ESR1: variants seen among roughly 807,000 people sequenced by gnomAD.
ESR1 encodes the protein estrogen receptor.
In ESR1, 12 loss-of-function variants were observed where a neutral mutation model predicts 52.7. That is an observed-to-expected ratio of 0.23 (90% CI 0.15 to 0.37). The LOEUF (loss-of-function observed/expected upper bound fraction) is 0.37, where lower values mean the gene tolerates loss of function less well. Ranked by LOEUF, ESR1 falls within the 10% of genes least tolerant of loss-of-function variation. The pLI is 1.00. For synonymous variants in ESR1, 305 were observed against 316.8 expected, an observed-to-expected ratio of 0.96 and a Z score of 0.39; for missense variants, 584 against 779.7, an observed-to-expected ratio of 0.75 and a Z score of 2.99.
At chr6:152,119,094 C>T (rs1051527678) in intron 6 of ESR1, among the ~76,000 whole-genome samples, 2 of 152,208 alleles carry the variant, frequency 1.3e-5, no homozygotes, top group Non-Finnish European at 2.9e-5. Flanking sequence ...CTTTTCTGGA[C>T]ACGATTAGCT....
rs1562319426 is a variant in ESR1 at position 151,669,151 on chromosome 6, A to AGAGAGAGAGAGAGAGAGAGGGAGAG, written n.73+12407_73+12408insGGAGAGGAGAGAGAGAGAGAGAGAG. Among the ~76,000 whole-genome samples the AGAGAGAGAGAGAGAGAGAGGGAGAG allele has an allele frequency of 6.3e-5, 7 of 111,176 alleles. 1 individual carries two copies. Among genetic ancestry groups the AGAGAGAGAGAGAGAGAGAGGGAGAG allele is most frequent in the African/African-American group, 2.4e-4 (7 of 29,768 alleles). 72.9% of individuals were successfully genotyped at this position (111,176 alleles called of 152,430 possible). On this transcript the variant is annotated intron_variant and non_coding_transcript_variant, in intron 1 of 2. Coordinates refer to the ESR1 transcript ENST00000473497. ...TAGGAAGCTCTTTGGGAGCTGGGAG[A>AGAGAGAGAGAGAGAGAGAGGGAGAG]GAGAGAGAGAGAGAGAGAGAGAGAG... is the stretch of plus-strand genomic sequence containing the variant.
intron 3 of ESR1, among the ~76,000 whole-genome samples, chr6:151,901,044 A>T (rs1796595466): frequency 6.6e-6 from 1 of 152,154 alleles, no homozygotes; most frequent in Non-Finnish European, 1.5e-5. Flanking sequence ...ACCAGGATGG[A>T]TAGGGAATGA....
At chr6:152,032,543 T>C (rs1369483322) in intron 5 of ESR1, among the ~76,000 whole-genome samples, 1 of 152,222 alleles carries the variant, frequency 6.6e-6, no homozygotes, top group Non-Finnish European at 1.5e-5. Flanking sequence ...CATTCACAAT[T>C]GCTTCAAAGG....
intron 4 of ESR1, among the ~76,000 whole-genome samples, chr6:151,960,831 T>G (rs149374723): frequency 1.2e-3 from 185 of 152,300 alleles, no homozygotes; most frequent in African/African-American, 4.3e-3. Flanking sequence ...ATGGTGGCTC[T>G]GACAAGGGTG....
chr6:152,041,485 T>C (rs2045794562), intron 5 of ESR1, among the ~76,000 whole-genome samples: 1 of 152,220 alleles, frequency 6.6e-6, no homozygotes, highest in Admixed American at 6.5e-5. Context: ...AACTTATCCT[T>C]CATCTTAGAA....
rs191467085 is a variant in ESR1, at chr6:151,707,221, G to A, written c.-71+5216G>A. On this transcript the variant is annotated intron_variant, in intron 2 of 2. Coordinates refer to the ESR1 transcript ENST00000404742. The stretch of plus-strand genomic sequence containing the variant: ...GTTGAATGCATATTAATTTTAGCAA[G>A]TTTAGAAAAGAGATAAGCATAAAGA... Among the ~76,000 whole-genome samples the A allele has an allele frequency of 2.1e-4, 32 of 152,224 alleles. No homozygotes were observed. The East Asian group carries it at 5.2e-3, about 25-fold the overall frequency.
At chr6:151,987,581 G>C (rs2040614541) in intron 4 of ESR1, among the ~76,000 whole-genome samples, 1 of 151,870 alleles carries the variant, frequency 6.6e-6, no homozygotes, top group African/African-American at 2.4e-5. Flanking sequence ...CCCCTGCAGG[G>C]AAGGAGTCCT....
rs182901045 is a variant in ESR1, at chr6:152,099,467, C to A, written c.*501C>A. On this transcript the variant is annotated 3_prime_UTR_variant, in exon 8 of 8. Transcript: ENST00000206249. Reference sequence around the variant, plus strand: ...ATAGCACCCTCTTGTATTCCTATGGCAATGCATCCTTTTATGAAAGTGGTA... The same window carrying A: ...ATAGCACCCTCTTGTATTCCTATGGAAATGCATCCTTTTATGAAAGTGGTA... 6.3e-5 allele frequency: 17 copies of A among 271,306 alleles called. No homozygotes were observed. 16.8% of individuals were successfully genotyped at this position (271,306 alleles called of 1,614,324 possible).
chr6:151,724,622 C>T (rs1781709303), intron 2 of ESR1, among the ~76,000 whole-genome samples: 1 of 151,908 alleles, frequency 6.6e-6, no homozygotes, highest in Admixed American at 6.6e-5. Context: ...TTCACTTCTG[C>T]TGGAGGAATT....
At chr6:152,025,507 T>G (rs1325319363) in intron 5 of ESR1, among the ~76,000 whole-genome samples, 1 of 151,958 alleles carries the variant, frequency 6.6e-6, no homozygotes, top group Admixed American at 6.6e-5. Flanking sequence ...TTCTTCTTGG[T>G]ATTCCAATTT....
chr6:151,725,924 T>A (rs181018038), intron 2 of ESR1, among the ~76,000 whole-genome samples: 9 of 152,320 alleles, frequency 5.9e-5, no homozygotes, highest in Non-Finnish European at 8.8e-5. Context: ...AGAAGTGAAC[T>A]TAAACTGAGT....
At chr6:151,932,667 C>T (rs1409881459) in intron 3 of ESR1, among the ~76,000 whole-genome samples, 63 of 150,034 alleles carry the variant, frequency 4.2e-4, no homozygotes, top group African/African-American at 1.5e-3. Context: ...CAGCTTTCTA[C>T]ATATGGCTAG....
At chr6:151,794,975 C>T (rs1022783330) in intron 2 of ESR1, among the ~76,000 whole-genome samples, 2 of 152,140 alleles carry the variant, frequency 1.3e-5, no homozygotes, top group African/African-American at 4.8e-5. Context: ...ACCTTTCATT[C>T]ATTATTAGCT....
chr6:152,053,598 G>T lies in ESR1; in HGVS notation c.1236-7393G>T. 6.7e-6 allele frequency among the ~76,000 whole-genome samples: 1 copy of T among 148,550 alleles called. No individual in the cohort carries two copies. Reference sequence around the variant, plus strand: ...TCTCCCTCTTTCTCTCTCTCAATCTGTTTCTCTGTTAATCTCTCTTTCTCT... The same window carrying T: ...TCTCCCTCTTTCTCTCTCTCAATCTTTTTCTCTGTTAATCTCTCTTTCTCT... On this transcript the variant is annotated intron_variant, in intron 5 of 7. Transcript: ENST00000206249. This position sits in a 1 kb window ranked among gnomAD's most constrained non-coding sequence, Gnocchi z 4.1.
chr6:151,960,081 A>T (rs2037474198), intron 4 of ESR1, among the ~76,000 whole-genome samples: 3 of 152,174 alleles, frequency 2.0e-5, no homozygotes, highest in Admixed American at 1.3e-4. Context: ...TATGGATCAA[A>T]TGGAATCTCC....
At chr6:151,728,518 A>G (rs1228162710) in intron 2 of ESR1, among the ~76,000 whole-genome samples, 1 of 152,228 alleles carries the variant, frequency 6.6e-6, no homozygotes. Flanking sequence ...ATATTCAATG[A>G]CTTATACCTT....
Position 151,716,747 on chromosome 6 carries a change from A to G in ESR1, c.-71+14742A>G, listed in dbSNP as rs1178612002. ...TGCTGGCAGCGAGAATTTCAAGCTC[A>G]TGGATCTTAGCTTGCTGGGCTCTGT... On this transcript the variant is annotated intron_variant, in intron 2 of 2. Coordinates refer to the ESR1 transcript ENST00000404742. Among the ~76,000 whole-genome samples the G allele has an allele frequency of 3.3e-5, 5 of 152,296 alleles. No homozygotes were observed. In the East Asian group the frequency reaches 5.8e-4, roughly 18 times the overall value.
At chr6:151,778,620 G>A (rs1786242342) in intron 2 of ESR1, among the ~76,000 whole-genome samples, 1 of 151,762 alleles carries the variant, frequency 6.6e-6, no homozygotes, top group African/African-American at 2.4e-5. Context: ...TGGCCAGGCT[G>A]GTCTCGAACT....
At chr6:152,082,614 G>A (rs2049324605) in intron 6 of ESR1, among the ~76,000 whole-genome samples, 1 of 152,164 alleles carries the variant, frequency 6.6e-6, no homozygotes, top group Non-Finnish European at 1.5e-5. Context: ...TCTGGCTAGG[G>A]CAATCAGGCA....
Sources: allele counts gnomAD v4.1 joint callset (sites outside exome capture counted in the v4.1 genomes callset), GRCh38; gene constraint gnomAD v4.1.1; non-coding constraint Gnocchi (gnomAD v3.1); transcripts MANE v1.5; gene names NCBI Gene and HGNC (gene_info 2026-07-23, HGNC 2026-07-21).